The following PSD2 variants were observed in gnomAD, a reference collection of about 807,000 sequenced individuals.
PSD2 encodes pleckstrin and Sec7 domain containing 2, also known as PH and SEC7 domain-containing protein 2.
In PSD2, 38 loss-of-function variants were observed where a neutral mutation model predicts 69.8. That is an observed-to-expected ratio of 0.54 (90% confidence interval 0.42 to 0.71). The LOEUF is 0.71. Ranked by LOEUF, PSD2 falls within the 30% of genes least tolerant of loss-of-function variation. The probability of loss-of-function intolerance (pLI) is 0.00; values close to 1 mark genes in which losing one functional copy is unlikely to be tolerated. For synonymous variants in PSD2, 412 were observed against 423.0 expected (o/e 0.97, Z 0.32); for missense variants, 943 against 1,014.5 (o/e 0.93, Z 0.96).
chr5:139,844,126 G>C lies in PSD2; in HGVS notation c.*1652G>C, dbSNP rs746717866. 2.0e-5 allele frequency: 3 copies of C among 152,156 alleles called. No homozygotes were observed. The highest frequency in any genetic ancestry group is 4.8e-5 in the African/African-American group (2 of 41,442). 9.4% of individuals were successfully genotyped at this position (152,156 alleles called of 1,614,324 possible). A position where few individuals can be genotyped will look rare whatever the true frequency, so the allele number is the denominator to read the frequency against. On this transcript the variant is annotated 3_prime_UTR_variant, in exon 15 of 15. Transcript: ENST00000274710. ...TGTTCACTTAAATGAAATTGAAAAC[G>C]CCATGTGGCACCACAAAAGAGCTCT...
the PSD2 span, among the ~76,000 whole-genome samples, chr5:139,777,681 C>T: frequency 2.0e-5 from 3 of 151,918 alleles, no homozygotes; most frequent in African/African-American, 2.4e-5. Context: ...CTCTGGAGTT[C>T]GAGATGAGCC....
chr5:139,774,652 G>A, the PSD2 span, among the ~76,000 whole-genome samples: 2 of 152,196 alleles, frequency 1.3e-5, no homozygotes, highest in African/African-American at 4.8e-5. Context: ...CACCACGCCC[G>A]GCTAATTTTT....
intron 14 of PSD2, 63 bp from the exon 15 acceptor site, chr5:139,842,208 T>C: frequency 7.3e-7 from 1 of 1,371,860 alleles, no homozygotes; most frequent in Non-Finnish European, 1.0e-6. Flanking sequence ...TTTTGTCATA[T>C]AAGGTGCACA....
chr5:139,796,581 G>A (rs1484549093), intron 1 of PSD2, among the ~76,000 whole-genome samples: 1 of 152,192 alleles, frequency 6.6e-6, no homozygotes, highest in Admixed American at 6.5e-5. Context: ...TGGCCGAGGC[G>A]GCAGCGGGAG....
chr5:139,792,406 C>T (rs1293980554), upstream of PSD2, among the ~76,000 whole-genome samples: 1 of 152,134 alleles, frequency 6.6e-6, no homozygotes, highest in African/African-American at 2.4e-5. Flanking sequence ...AGGTGCTGAC[C>T]ATGCCCAATG....
At chr5:139,744,514 G>A in the PSD2 span, among the ~76,000 whole-genome samples, 6 of 152,180 alleles carry the variant, frequency 3.9e-5, no homozygotes, top group African/African-American at 1.2e-4. Flanking sequence ...TAGAGCTGTG[G>A]CCCGGGCAGC....
chr5:139,778,607 A>T, the PSD2 span, among the ~76,000 whole-genome samples: 2 of 152,288 alleles, frequency 1.3e-5, no homozygotes, highest in Middle Eastern at 3.4e-3. Context: ...ATCTTTGCCC[A>T]CATCCATCTT....
chr5:139,743,574 C>T, the PSD2 span, among the ~76,000 whole-genome samples: 2 of 152,120 alleles, frequency 1.3e-5, no homozygotes, highest in Non-Finnish European at 2.9e-5. Context: ...GAGTGAGGAC[C>T]TGTCTGTGTG....
At position 139,837,040 on chromosome 5, in the gene PSD2, T is replaced by C. The variant is rs761323403; in HGVS notation, c.1594+39T>C. 2.5e-6 allele frequency: 4 copies of C among 1,600,988 alleles called. No homozygotes were observed. Among genetic ancestry groups the C allele is most frequent in the African/African-American group, 2.7e-5 (2 of 74,636 alleles). On this transcript the variant is annotated intron_variant, in intron 10 of 14. Coordinates refer to ENST00000274710, the MANE Select transcript of PSD2 (RefSeq NM_032289.4). This position sits in a 1 kb window ranked among gnomAD's most constrained non-coding sequence, Gnocchi z 5.0. The stretch of plus-strand genomic sequence containing the variant: ...TGGGAGAGGGGCATGGGAGGGAGGC[T>C]GGCACAGAGGGGGGCGCCACGGGCC...
chr5:139,806,078 G>T (rs1759798544), intron 1 of PSD2, among the ~76,000 whole-genome samples: 1 of 152,200 alleles, frequency 6.6e-6, no homozygotes, highest in Non-Finnish European at 1.5e-5. Flanking sequence ...ACCTTAGCTG[G>T]TGTTGAAAAG....
At chr5:139,778,656 C>T in the PSD2 span, among the ~76,000 whole-genome samples, 2 of 152,010 alleles carry the variant, frequency 1.3e-5, no homozygotes, top group Non-Finnish European at 1.5e-5. Context: ...GAGGGTCAGG[C>T]GTGGTGGCTT....
At chr5:139,828,762 T>A (rs944328110) in intron 7 of PSD2, among the ~76,000 whole-genome samples, 2 of 152,198 alleles carry the variant, frequency 1.3e-5, no homozygotes, top group Non-Finnish European at 2.9e-5. Flanking sequence ...GCCTGGCTCC[T>A]GTGGGGCAAA....
chr5:139,828,420 G>C (rs73269470), intron 7 of PSD2, among the ~76,000 whole-genome samples: 3,206 of 152,296 alleles, frequency 0.021, 108 homozygotes, highest in African/African-American at 0.07. Flanking sequence ...TTCTGGCGAA[G>C]CGCATTGGGG....
At chr5:139,772,429 G>C in the PSD2 span, 1 of 152,258 alleles carries the variant, frequency 6.6e-6, no homozygotes, top group African/African-American at 2.4e-5. Context: ...CTCCCCTGCT[G>C]TGAAGAGGAG....
At chr5:139,778,965 AAG>A in the PSD2 span, among the ~76,000 whole-genome samples, 1 of 151,352 alleles carries the variant, frequency 6.6e-6, no homozygotes. Context: ...AAAAAAAAGA[AAG>A]AAAAAATTTG....
the PSD2 span, among the ~76,000 whole-genome samples, chr5:139,780,083 T>C: frequency 6.6e-6 from 1 of 152,254 alleles, no homozygotes; most frequent in South Asian, 2.1e-4. Context: ...TTTAGTTGTC[T>C]AAGAAACTGC....
At chr5:139,770,969 A>C in the PSD2 span, among the ~76,000 whole-genome samples, 27 of 152,396 alleles carry the variant, frequency 1.8e-4, no homozygotes, top group Non-Finnish European at 3.8e-4. Context: ...GATGAATAGT[A>C]AAATTCATGC....
chr5:139,803,113 A>C (rs1205144430), intron 1 of PSD2, among the ~76,000 whole-genome samples: 1 of 152,196 alleles, frequency 6.6e-6, no homozygotes, highest in Non-Finnish European at 1.5e-5. Flanking sequence ...GTGTGCCCTG[A>C]GATGGAAAGA....
At position 139,814,403 on chromosome 5, in the gene PSD2, C is replaced by T. The variant is rs1411611042; in HGVS notation, c.1016+39C>T. On this transcript the variant is annotated intron_variant, in intron 4 of 14. Coordinates refer to ENST00000274710, the MANE Select transcript of PSD2 (RefSeq NM_032289.4). The surrounding 1 kb of genome is among the most constrained non-coding windows in gnomAD (Gnocchi z 4.4). Reference sequence around the variant, plus strand: ...CCCCTGCCCCCAACCCTGGGCAAACCTCGTGTCTTCCTCAACCTGAAGAGG... The same window carrying T: ...CCCCTGCCCCCAACCCTGGGCAAACTTCGTGTCTTCCTCAACCTGAAGAGG... The T allele has an allele frequency of 1.5e-5, 23 of 1,531,922 alleles. No individual in the cohort carries two copies. The highest frequency in any genetic ancestry group is 1.9e-5 in the Non-Finnish European group (22 of 1,139,092). The allele number at this position is 1,531,922 out of a possible 1,614,324, so 94.9% of individuals were successfully genotyped here. A position where few individuals can be genotyped will look rare whatever the true frequency, so the allele number is the denominator to read the frequency against.
Sources: gnomAD v4.1 joint callset for allele counts (sites outside exome capture counted in the v4.1 genomes callset) on GRCh38, gnomAD v4.1.1 for gene constraint, Gnocchi (gnomAD v3.1) non-coding constraint, MANE v1.5 for transcripts, NCBI Gene and HGNC (gene_info 2026-07-23, HGNC 2026-07-21) for gene names.